The following CARM1 variants were observed in gnomAD, a reference collection of about 807,000 sequenced individuals.
CARM1 encodes histone-arginine methyltransferase CARM1.
A neutral mutation model predicts 72.7 loss-of-function variants in CARM1; 14 were observed. The observed-to-expected ratio is 0.19, with a 90% confidence interval of 0.13 to 0.30. The LOEUF (loss-of-function observed/expected upper bound fraction) is 0.30. CARM1 is among the 10% of genes least tolerant of loss of function. The pLI is 1.00. For synonymous variants in CARM1, 333 were observed against 345.5 expected (o/e 0.96, Z 0.40); for missense variants, 432 against 833.7 (o/e 0.52, Z 5.93).
At position 10,920,828 on chromosome 19, in the gene CARM1, C is replaced by G. The variant is rs376066368; in HGVS notation, c.1425-6C>G. On this transcript the variant is annotated splice_polypyrimidine_tract_variant and splice_region_variant and intron_variant, in intron 12 of 15. Transcript: ENST00000327064. The surrounding 1 kb of genome is among the most constrained non-coding windows in gnomAD (Gnocchi z 5.3). Reference sequence around the variant, plus strand: ...GCCCCTGCCCATGGCTCTGTCTCTGCCATAGATACACGGGCACAACGCCCT... The same window carrying G: ...GCCCCTGCCCATGGCTCTGTCTCTGGCATAGATACACGGGCACAACGCCCT... 6.2e-7 allele frequency: 1 copy of G among 1,613,910 alleles called. No homozygotes were observed. Among genetic ancestry groups the G allele is most frequent in the African/African-American group, 1.3e-5 (1 of 74,940 alleles).
At chr19:10,913,770 C>T in intron 5 of CARM1, 107 bp from the exon 6 acceptor site, 3 of 1,173,466 alleles carry the variant, frequency 2.6e-6, no homozygotes, top group Non-Finnish European at 3.6e-6. Context: ...GGCAGAGGGG[C>T]ACCCAATGCC....
In CARM1 at chr19:10,909,174, C is replaced by T. The variant is rs1432211730; in HGVS notation, c.525C>T (p.Ala175=). Residue 175 remains alanine, a synonymous_variant, in exon 4 of 16, where the codon GCC becomes GCT. Coordinates refer to ENST00000327064, the MANE Select transcript of CARM1 (RefSeq NM_199141.2). ...TGCGGACAGGCACCTACCAGCGCGC[C>T]ATCCTGCAAAACCACACCGACTTCA... is the stretch of plus-strand genomic sequence containing the variant. The part of the protein sequence containing the change: ...DYVRTGTYQR[A]ILQNHTDFKD... 6.2e-7 allele frequency: 1 copy of T among 1,613,888 alleles called. No individual in the cohort carries two copies. Among genetic ancestry groups the T allele is most frequent in the Non-Finnish European group, 8.5e-7 (1 of 1,179,846 alleles).
At position 10,871,616 on chromosome 19, in the gene CARM1, G is replaced by GGCT. The variant is rs1231008553; in HGVS notation, c.-85_-84insTGC. The GGCT allele has an allele frequency of 1.6e-4, 22 of 136,400 alleles. No individual in the cohort carries two copies. The South Asian group carries it at 3.9e-3, about 24-fold the overall frequency. The allele number at this position is 136,400 out of a possible 1,614,324, so 8.4% of individuals were successfully genotyped here. ...CGGCGGCGGCGGCGGCGGCGGCGGC[G>GGCT]GCGGCGGCGGCGGCGGCGGCGGCAG... On this transcript the variant is annotated 5_prime_UTR_variant, in exon 1 of 16. Coordinates refer to ENST00000327064, the MANE Select transcript of CARM1 (RefSeq NM_199141.2). This position sits in a 1 kb window ranked among gnomAD's most constrained non-coding sequence, Gnocchi z 5.6.
chr19:10,871,982 G>T lies in CARM1; in HGVS notation c.220+60G>T. 8.7e-7 allele frequency: 1 copy of T among 1,148,634 alleles called. No homozygotes were observed. The highest frequency in any genetic ancestry group is 1.6e-5 in the African/African-American group (1 of 61,344). 71.2% of individuals were successfully genotyped at this position (1,148,634 alleles called of 1,614,324 possible). On this transcript the variant is annotated intron_variant, in intron 1 of 15. Coordinates refer to ENST00000327064, the MANE Select transcript of CARM1 (RefSeq NM_199141.2). The surrounding 1 kb of genome is among the most constrained non-coding windows in gnomAD (Gnocchi z 5.6). ...GGGCTGCTCACGAGGCCGGCCCGGG[G>T]CGGGGGCCGGCGGGGAGGGGCCCTG... is the stretch of plus-strand genomic sequence containing the variant.
intron 2 of CARM1, 28 bp from the exon 3 acceptor site, chr19:10,908,011 C>A: frequency 1.3e-6 from 2 of 1,489,792 alleles, no homozygotes; most frequent in Middle Eastern, 3.4e-4. Context: ...GCTGACCGCC[C>A]CCCGGTGACT....
At chr19:10,875,635 A>G (rs1284801135) in intron 1 of CARM1, among the ~76,000 whole-genome samples, 1 of 152,106 alleles carries the variant, frequency 6.6e-6, no homozygotes, top group Non-Finnish European at 1.5e-5. Flanking sequence ...CGTGTTAGCC[A>G]GGATGGTCTC....
intron 1 of CARM1, among the ~76,000 whole-genome samples, chr19:10,873,624 GTTTTTTTTTTTTTTTT>G (rs1169565864): frequency 1.2e-3 from 57 of 47,356 alleles, no homozygotes; most frequent in Admixed American, 6.7e-3. Flanking sequence ...TTTTAGTTTA[GTTTTTTTTTTTTTTTT>G]TTTTTTTTTT....
chr19:10,880,972 G>C (rs2073898206), intron 1 of CARM1, among the ~76,000 whole-genome samples: 1 of 152,134 alleles, frequency 6.6e-6, no homozygotes, highest in African/African-American at 2.4e-5. Flanking sequence ...CAACCAGCCC[G>C]GGAAACACAG....
In CARM1 at chr19:10,912,098, T is replaced by C. The variant is rs2074155431; in HGVS notation, c.559-86T>C. On this transcript the variant is annotated intron_variant, in intron 4 of 15. Coordinates refer to ENST00000327064, the MANE Select transcript of CARM1 (RefSeq NM_199141.2). The surrounding 1 kb of genome is among the most constrained non-coding windows in gnomAD (Gnocchi z 4.5). ...ATTGAGAGTGAAGACAGACGCCTCA[T>C]GATGTGCACATCCCTTATGATCACT... The C allele has an allele frequency of 4.2e-6, 4 of 944,442 alleles. No individual in the cohort carries two copies. Among genetic ancestry groups the C allele is most frequent in the Non-Finnish European group, 5.3e-6 (3 of 569,184 alleles). 58.5% of individuals were successfully genotyped at this position (944,442 alleles called of 1,614,324 possible). A position where few individuals can be genotyped will look rare whatever the true frequency, so the allele number is the denominator to read the frequency against.
chr19:10,880,205 G>C (rs538247576), intron 1 of CARM1, among the ~76,000 whole-genome samples: 1 of 152,184 alleles, frequency 6.6e-6, no homozygotes, highest in African/African-American at 2.4e-5. Flanking sequence ...GAGGTGGTGA[G>C]TTTGCAAAGA....
rs10407878 is a variant in CARM1 at position 10,912,059 on chromosome 19, C to T, written c.559-125C>T. On this transcript the variant is annotated intron_variant, in intron 4 of 15. Coordinates refer to ENST00000327064, the MANE Select transcript of CARM1 (RefSeq NM_199141.2). This position sits in a 1 kb window ranked among gnomAD's most constrained non-coding sequence, Gnocchi z 4.5. The stretch of plus-strand genomic sequence containing the variant: ...TCTCGCTTCATTTTGACCAAGAGCC[C>T]ATAAAGGGCAAACATTGAGAGTGAA... 5.8e-3 allele frequency: 4,467 copies of T among 771,190 alleles called. 120 individuals carry two copies. In the African/African-American group the frequency reaches 0.066, roughly 11 times the overall value. 47.8% of individuals were successfully genotyped at this position (771,190 alleles called of 1,614,324 possible).
intron 8 of CARM1, 198 bp from the exon 9 acceptor site, chr19:10,919,397 G>C: frequency 1.8e-6 from 1 of 569,876 alleles, no homozygotes; most frequent in East Asian, 2.9e-5. Context: ...ATAAACACTT[G>C]TCATTTGGAG....
intron 2 of CARM1, among the ~76,000 whole-genome samples, chr19:10,906,845 A>C (rs1045842690): frequency 6.6e-6 from 1 of 151,528 alleles, no homozygotes; most frequent in African/African-American, 2.4e-5. Context: ...CTATTATTCT[A>C]TGTTAATAAA....
intron 1 of CARM1, among the ~76,000 whole-genome samples, chr19:10,873,535 G>A (rs1415142486): frequency 4.7e-5 from 7 of 149,566 alleles, no homozygotes; most frequent in Admixed American, 4.7e-4. Context: ...GTTGCAATGA[G>A]CTGAGATCGT....
At position 10,916,636 on chromosome 19, in the gene CARM1, C is replaced by A; in HGVS notation, c.939-60C>A. ...GGGCTGACTGGGAGAGAAGGCAGGG[C>A]TACCCCACCTGCCTCTTCTGCAGCC... On this transcript the variant is annotated intron_variant, in intron 7 of 15. Coordinates refer to ENST00000327064, the MANE Select transcript of CARM1 (RefSeq NM_199141.2). This position sits in a 1 kb window ranked among gnomAD's most constrained non-coding sequence, Gnocchi z 4.4. The A allele has an allele frequency of 6.9e-7, 1 of 1,443,958 alleles. No individual in the cohort carries two copies. Among genetic ancestry groups the A allele is most frequent in the Non-Finnish European group, 9.5e-7 (1 of 1,049,608 alleles). The allele number at this position is 1,443,958 out of a possible 1,614,324, so 89.4% of individuals were successfully genotyped here.
At chr19:10,886,475 C>T (rs143749255) in intron 1 of CARM1, among the ~76,000 whole-genome samples, 1 of 151,668 alleles carries the variant, frequency 6.6e-6, no homozygotes, top group African/African-American at 2.4e-5. Context: ...GGATTACAGG[C>T]GTGAGTCACC....
rs2074229208 is a variant in CARM1, at chr19:10,920,127, TG to T, written c.1196+162del. Reference sequence around the variant, plus strand: ...GCAAGAGACTGTTGTGGGTGGGGTGTGTGTGTGTGTGTGTGTATGTGTGTGT... The same window carrying T: ...GCAAGAGACTGTTGTGGGTGGGGTGTTGTGTGTGTGTGTGTATGTGTGTGT... On this transcript the variant is annotated intron_variant, in intron 10 of 15. Coordinates refer to ENST00000327064, the MANE Select transcript of CARM1 (RefSeq NM_199141.2). The surrounding 1 kb of genome is among the most constrained non-coding windows in gnomAD (Gnocchi z 5.3). 6.8e-6 allele frequency among the ~76,000 whole-genome samples: 1 copy of T among 146,542 alleles called. No individual in the cohort carries two copies. The highest frequency in any genetic ancestry group is 1.5e-5 in the Non-Finnish European group (1 of 66,584).
In CARM1 at chr19:10,921,760, G is replaced by T. The variant is rs763973686; in HGVS notation, c.*3G>T. ...ACACCATGCACTACGGGAGCTAGGG[G>T]CCCGCCCCGCGGACTGACAGCACCA... On this transcript the variant is annotated 3_prime_UTR_variant, in exon 16 of 16. Transcript: ENST00000327064. 9.5e-6 allele frequency: 15 copies of T among 1,584,686 alleles called. No individual in the cohort carries two copies. Among genetic ancestry groups the T allele is most frequent in the Non-Finnish European group, 1.3e-5 (15 of 1,161,208 alleles).
At chr19:10,904,577 C>G (rs2145220841) in intron 1 of CARM1, among the ~76,000 whole-genome samples, 1 of 152,372 alleles carries the variant, frequency 6.6e-6, no homozygotes, top group Middle Eastern at 3.4e-3. Flanking sequence ...CACATGCAGT[C>G]ACTGCTCTGC....
Sources: allele counts gnomAD v4.1 joint callset (sites outside exome capture counted in the v4.1 genomes callset), GRCh38; gene constraint gnomAD v4.1.1; non-coding constraint Gnocchi (gnomAD v3.1); transcripts MANE v1.5; gene names NCBI Gene and HGNC (gene_info 2026-07-23, HGNC 2026-07-21).